TRPM2: variants seen among roughly 807,000 people sequenced by gnomAD.
The protein encoded by TRPM2 is estrogen-responsive element-associated gene 1 protein.
In TRPM2, 161 loss-of-function variants were observed where a neutral mutation model predicts 174.0. That is an observed-to-expected ratio of 0.93 (90% CI 0.81 to 1.05). The LOEUF (loss-of-function observed/expected upper bound fraction) is 1.05, where lower values mean the gene tolerates loss of function less well. TRPM2 is among the 50% of genes least tolerant of loss of function. The probability of loss-of-function intolerance (pLI) is 0.00; values close to 1 mark genes in which losing one functional copy is unlikely to be tolerated. For synonymous variants in TRPM2, 954 were observed against 861.3 expected (o/e 1.11, Z -1.88); for missense variants, 2,057 against 2,038.0 (o/e 1.01, Z -0.18).
rs368533951 is a variant in TRPM2 at position 44,366,808 on chromosome 21, C to T, written c.478C>T (p.Gln160Ter). ...PSSVIYHLMTQHWGLDVPNLL... is the reference protein window; with the variant it reads ...PSSVIYHLMT ...CAGCGTGATCTACCACCTCATGACC[C>T]AGCACTGGGGGCTGGACGTCCCCAA... is the stretch of plus-strand genomic sequence containing the variant. Residue 160 changes from glutamine (Q) to a stop codon, truncating the protein, a stop_gained, in exon 4 of 32, where the codon CAG (glutamine) becomes TAG (stop). Transcript: ENST00000397928. LOFTEE classifies it high-confidence loss of function. The surrounding 1 kb of genome is among the most constrained non-coding windows in gnomAD (Gnocchi z 6.0). 12 of 1,613,870 alleles carry T rather than the reference C, an allele frequency of 7.4e-6. No individual in the cohort carries two copies. The highest frequency in any genetic ancestry group is 1.3e-5 in the African/African-American group (1 of 74,882).
chr21:44,380,372 G>A (rs1001739250), intron 8 of TRPM2, among the ~76,000 whole-genome samples: 23 of 152,324 alleles, frequency 1.5e-4, no homozygotes, highest in Non-Finnish European at 2.1e-4. Context: ...ATGTCAGGGC[G>A]GCTTTCCTTC....
At chr21:44,434,616 G>C (rs2051163728) in intron 27 of TRPM2, among the ~76,000 whole-genome samples, 2 of 152,234 alleles carry the variant, frequency 1.3e-5, no homozygotes, top group South Asian at 4.1e-4. Flanking sequence ...TGGCCCCATG[G>C]GAAGCGTCTG....
In TRPM2 at chr21:44,376,041, TG is replaced by T. The variant is rs779597512; in HGVS notation, c.952+31del. 5.6e-5 allele frequency: 90 copies of T among 1,605,764 alleles called. No homozygotes were observed. Among genetic ancestry groups the T allele is most frequent in the Non-Finnish European group, 7.4e-5 (87 of 1,174,320 alleles). ...AGGGGAGCTTGCTTTCGAGGGTGAT[TG>T]GGCAGAGAGCACAGTGGGCTGGTCA... On this transcript the variant is annotated intron_variant, in intron 6 of 31. Coordinates refer to ENST00000397928, the MANE Select transcript of TRPM2 (RefSeq NM_003307.4). The surrounding 1 kb of genome is among the most constrained non-coding windows in gnomAD (Gnocchi z 4.2).
rs748439883 is a variant in TRPM2 at position 44,353,728 on chromosome 21, G to A, written c.28G>A (p.Gly10Ser). The A allele has an allele frequency of 1.3e-6, 2 of 1,566,216 alleles. No individual in the cohort carries two copies. The highest frequency in any genetic ancestry group is 8.6e-7 in the Non-Finnish European group (1 of 1,159,988). ...GGAGCCCTCAGCCCTGAGGAAAGCT[G>A]GCTCGGAGCAGGAGGAGGGCTTTGA... MEPSALRKAGSEQEEGFEGL... is the reference protein window; with the variant it reads MEPSALRKASSEQEEGFEGL... The change falls in exon 1 of 32, where the codon GGC (glycine) becomes AGC (serine). Residue 10 changes from glycine (G) to serine (S), a missense_variant. Physicochemically the swap from Gly to Ser is moderately conservative, Grantham distance 56. Transcript: ENST00000397928.
rs535118725 is a variant in TRPM2, at chr21:44,374,646, T to C, written c.772-1187T>C. Among the ~76,000 whole-genome samples, 3 of 152,258 alleles carry C rather than the reference T, an allele frequency of 2.0e-5. No homozygotes were observed. The South Asian group carries it at 6.2e-4, about 32-fold the overall frequency. On this transcript the variant is annotated intron_variant, in intron 5 of 31. Coordinates refer to ENST00000397928, the MANE Select transcript of TRPM2 (RefSeq NM_003307.4). ...GGGAGTACAACCTAGGTCCCTCGCA[T>C]GCACAGTTCACAGTAAGGTTAGTAT... is the stretch of plus-strand genomic sequence containing the variant.
intron 2 of TRPM2, among the ~76,000 whole-genome samples, chr21:44,355,856 G>A (rs375043722): frequency 1.9e-4 from 29 of 150,050 alleles, no homozygotes; most frequent in African/African-American, 6.4e-4. Flanking sequence ...AATTGTTCCC[G>A]GACACCCACG....
chr21:44,380,590 G>A (rs1284556687), intron 8 of TRPM2, among the ~76,000 whole-genome samples: 6 of 152,210 alleles, frequency 3.9e-5, no homozygotes, highest in Non-Finnish European at 8.8e-5. Context: ...CTCGGCATTC[G>A]CTGATGCTCC....
intron 2 of TRPM2, among the ~76,000 whole-genome samples, chr21:44,358,760 A>G (rs1243820128): frequency 6.6e-6 from 1 of 152,192 alleles, no homozygotes. Context: ...TCTCTCATCC[A>G]TAAACAGTGG....
intron 19 of TRPM2, among the ~76,000 whole-genome samples, chr21:44,408,330 A>G (rs1002150456): frequency 6.6e-6 from 1 of 152,102 alleles, no homozygotes; most frequent in East Asian, 1.9e-4. Context: ...TATTTCTCTT[A>G]GACACCTAGG....
At chr21:44,435,594 T>C (rs1226525292) in intron 28 of TRPM2, among the ~76,000 whole-genome samples, 11 of 123,630 alleles carry the variant, frequency 8.9e-5, no homozygotes, top group African/African-American at 2.3e-4. Context: ...CCCCTCAGAC[T>C]CACTCTCCAC....
intron 19 of TRPM2, among the ~76,000 whole-genome samples, chr21:44,409,684 A>T (rs1205398871): frequency 8.3e-5 from 10 of 120,162 alleles, no homozygotes; most frequent in African/African-American, 3.1e-4. Flanking sequence ...GTAGCCTTGT[A>T]GTGAGTTTTG....
At chr21:44,351,429 C>T (rs1239835475), upstream of TRPM2, among the ~76,000 whole-genome samples, 1 of 152,246 alleles carries the variant, frequency 6.6e-6, no homozygotes, top group Non-Finnish European at 1.5e-5. Flanking sequence ...GAAATCCACC[C>T]ACATGGGGCC....
At chr21:44,350,444 G>A (rs2122995591), upstream of TRPM2, 3 of 151,060 alleles carry the variant, frequency 2.0e-5, no homozygotes, top group South Asian at 5.4e-4. Flanking sequence ...CCCCGGTGCT[G>A]CTGCAGGGCG....
intron 16 of TRPM2, among the ~76,000 whole-genome samples, chr21:44,402,785 T>C (rs2049669824): frequency 6.6e-6 from 1 of 152,230 alleles, no homozygotes. Flanking sequence ...TGCCTGCACC[T>C]GCTGGCAGCC....
rs45576737 is a variant in TRPM2 at position 44,366,162 on chromosome 21, A to C, written c.424-592A>C. 3.9e-5 allele frequency among the ~76,000 whole-genome samples: 6 copies of C among 152,214 alleles called. No individual in the cohort carries two copies. Among genetic ancestry groups the C allele is most frequent in the Non-Finnish European group, 8.8e-5 (6 of 68,012 alleles). On this transcript the variant is annotated intron_variant, in intron 3 of 31. Transcript: ENST00000397928. The surrounding 1 kb of genome is among the most constrained non-coding windows in gnomAD (Gnocchi z 6.0). ...GGCCAGAGTGACGACAGAACCTGGG[A>C]GAGCCGTGTTCAGACGGGAGGCAGA...
intron 30 of TRPM2, among the ~76,000 whole-genome samples, 182 bp from the exon 31 acceptor site, chr21:44,440,607 G>A (rs145274907): frequency 7.2e-5 from 11 of 152,352 alleles, no homozygotes; most frequent in Admixed American, 1.3e-4. Flanking sequence ...GATGAAGCCC[G>A]CATTGGGCTG....
In TRPM2 at chr21:44,367,748, G is replaced by A. The variant is rs565989083; in HGVS notation, c.604+814G>A. ...CTGGTCTTTGCCTCGCAGTGGAGTC[G>A]TAACTGAGCCTGACTTGGCCTGCAT... On this transcript the variant is annotated intron_variant, in intron 4 of 31. Coordinates refer to ENST00000397928, the MANE Select transcript of TRPM2 (RefSeq NM_003307.4). This position sits in a 1 kb window ranked among gnomAD's most constrained non-coding sequence, Gnocchi z 4.6. 5.4e-4 allele frequency among the ~76,000 whole-genome samples: 83 copies of A among 152,320 alleles called. No individual in the cohort carries two copies. Among genetic ancestry groups the A allele is most frequent in the Non-Finnish European group, 7.6e-4 (52 of 68,030 alleles).
Position 44,405,244 on chromosome 21 carries a change from G to A in TRPM2, c.2641G>A (p.Ala881Thr). 6.2e-7 allele frequency: 1 copy of A among 1,613,082 alleles called. No individual in the cohort carries two copies. The highest frequency in any genetic ancestry group is 8.5e-7 in the Non-Finnish European group (1 of 1,179,942). The change falls in exon 17 of 32, where the codon GCA becomes ACA. Residue 881 changes from alanine (A) to threonine (T), a missense_variant. Physicochemically the swap from Ala to Thr is moderately conservative, Grantham distance 58 (BLOSUM62 0). Transcript: ENST00000397928. Reference sequence around the variant, plus strand: ...CGTCGGCGCAATCTTGCTCTTCGTGGCAGGGCTGACCTGCAGGTGAGTGGC... The same window carrying A: ...CGTCGGCGCAATCTTGCTCTTCGTGACAGGGCTGACCTGCAGGTGAGTGGC... Reference protein sequence around the residue: ...LDVGAILLFVAGLTCRLIPAT... With the variant: ...LDVGAILLFVTGLTCRLIPAT...
chr21:44,380,462 CAG>C (rs1183551894), intron 8 of TRPM2, among the ~76,000 whole-genome samples: 5 of 152,186 alleles, frequency 3.3e-5, no homozygotes, highest in African/African-American at 1.2e-4. Flanking sequence ...AGGCAATTCT[CAG>C]AACTGAGTTT....
Sources: allele counts gnomAD v4.1 joint callset (sites outside exome capture counted in the v4.1 genomes callset), GRCh38; gene constraint gnomAD v4.1.1; non-coding constraint Gnocchi (gnomAD v3.1); transcripts MANE v1.5; gene names NCBI Gene and HGNC (gene_info 2026-07-23, HGNC 2026-07-21).